Variants in ATP6V0D2 observed in about 807,000 individuals in gnomAD.
ATP6V0D2 encodes ATPase H+ transporting V0 subunit d2.
In ATP6V0D2, 40 loss-of-function variants were observed where a neutral mutation model predicts 40.0. The ratio of observed to expected loss-of-function variants is 1.00; its 90% CI spans 0.78 to 1.30. The LOEUF (loss-of-function observed/expected upper bound fraction) is 1.30. Among genes scored for constraint, ATP6V0D2 ranks in the 50% most tolerant of loss-of-function variants. ATP6V0D2 has a pLI of 0.00. For missense variants in ATP6V0D2, 470 were observed against 423.1 expected (o/e 1.11, Z -0.97); for synonymous variants, 179 against 156.3 (o/e 1.15, Z -1.08).
intron 3 of ATP6V0D2, among the ~76,000 whole-genome samples, chr8:86,140,792 G>A (rs1407568272): frequency 1.3e-5 from 2 of 152,088 alleles, no homozygotes; most frequent in Admixed American, 1.3e-4. Flanking sequence ...GGAGAGAGGG[G>A]ATGGTTTCGG....
At chr8:86,139,774 T>C in intron 3 of ATP6V0D2, 139 bp downstream of exon 3, 1 of 829,586 alleles carries the variant, frequency 1.2e-6, no homozygotes, top group Non-Finnish European at 1.8e-6. Context: ...TACAGTAGCA[T>C]ACCATGCAGA....
chr8:86,104,118 G>A (rs1039099542), intron 1 of ATP6V0D2, among the ~76,000 whole-genome samples: 34 of 152,188 alleles, frequency 2.2e-4, no homozygotes, highest in Admixed American at 9.2e-4. Flanking sequence ...ATGACCCACC[G>A]CGGCTGGCCT....
chr8:86,141,965 G>A (rs1355754013), intron 4 of ATP6V0D2, among the ~76,000 whole-genome samples: 1 of 152,168 alleles, frequency 6.6e-6, no homozygotes, highest in Non-Finnish European at 1.5e-5. Flanking sequence ...AATCTACAGT[G>A]TGCAGCATAC....
intron 2 of ATP6V0D2, among the ~76,000 whole-genome samples, chr8:86,118,014 CTTTCTTTCTT>C (rs993123710): frequency 2.1e-5 from 3 of 140,462 alleles, no homozygotes; most frequent in African/African-American, 9.2e-5. Context: ...TTCTTTCTTT[CTTTCTTTCTT>C]TCTTTTTTTT....
intron 2 of ATP6V0D2, among the ~76,000 whole-genome samples, chr8:86,124,496 T>C (rs1818714025): frequency 6.6e-6 from 1 of 152,184 alleles, no homozygotes; most frequent in Admixed American, 6.5e-5. Flanking sequence ...ATGCAGTCAA[T>C]GAATTTGCTC....
At chr8:86,149,052 G>GAAAAAAAAAAAAAAAA (rs1166858589) in intron 5 of ATP6V0D2, among the ~76,000 whole-genome samples, 2 of 69,000 alleles carry the variant, frequency 2.9e-5, no homozygotes, top group African/African-American at 6.6e-5. Context: ...ATCTCCAAAG[G>GAAAAAAAAAAAAAAAA]AAGAAAAAAA....
intron 2 of ATP6V0D2, among the ~76,000 whole-genome samples, chr8:86,128,334 AG>A (rs938787395): frequency 6.6e-6 from 1 of 151,776 alleles, no homozygotes; most frequent in African/African-American, 2.4e-5. Context: ...GGGCAACAAG[AG>A]TGAAACTCCA....
In ATP6V0D2 at chr8:86,150,235, T is replaced by C. The variant is rs750825794; in HGVS notation, c.763T>C (p.Leu255=). The change falls in exon 6 of 8, where the codon TTG becomes CTG. Residue 255 remains leucine (L), a synonymous_variant. Coordinates refer to ENST00000285393, the MANE Select transcript of ATP6V0D2 (RefSeq NM_152565.1). The stretch of plus-strand genomic sequence containing the variant: ...ACTCTATCCTGAGGGGTTGCGGCTG[T>C]TGGCTCAAGCAGAAGACTTTGACCA... ...GKLYPEGLRL[L]AQAEDFDQMK... 13 of 1,613,102 alleles carry C rather than the reference T, an allele frequency of 8.1e-6. No homozygotes were observed. The highest frequency in any genetic ancestry group is 1.1e-5 in the Non-Finnish European group (13 of 1,179,828).
chr8:86,140,831 G>T (rs566409569), intron 3 of ATP6V0D2, among the ~76,000 whole-genome samples: 1 of 151,988 alleles, frequency 6.6e-6, no homozygotes, highest in East Asian at 1.9e-4. Flanking sequence ...CATTTATTGC[G>T]CACATTATTT....
chr8:86,138,651 C>T (rs957987468), intron 2 of ATP6V0D2, among the ~76,000 whole-genome samples: 2 of 152,144 alleles, frequency 1.3e-5, no homozygotes, highest in African/African-American at 2.4e-5. Flanking sequence ...TGATCTCATG[C>T]GAGGACAGAA....
At chr8:86,101,471 A>G (rs1818397445) in intron 1 of ATP6V0D2, among the ~76,000 whole-genome samples, 2 of 151,380 alleles carry the variant, frequency 1.3e-5, no homozygotes, top group African/African-American at 4.8e-5. Flanking sequence ...GGAAAAAAAA[A>G]AAAAAAAAAA....
At chr8:86,132,245 T>A (rs370874340) in intron 2 of ATP6V0D2, among the ~76,000 whole-genome samples, 92 of 152,250 alleles carry the variant, frequency 6.0e-4, no homozygotes, top group African/African-American at 2.1e-3. Flanking sequence ...ATGGGGTCCA[T>A]GCAATTTTTT....
chr8:86,126,156 C>G (rs1284553542), intron 2 of ATP6V0D2, among the ~76,000 whole-genome samples: 2 of 147,400 alleles, frequency 1.4e-5, no homozygotes, highest in Non-Finnish European at 3.0e-5. Flanking sequence ...AGGCTGGTCT[C>G]GAACTCCTGA....
intron 2 of ATP6V0D2, among the ~76,000 whole-genome samples, chr8:86,133,501 T>A (rs1467421735): frequency 6.6e-6 from 1 of 151,664 alleles, no homozygotes; most frequent in African/African-American, 2.4e-5. Context: ...TTTTGTATTT[T>A]TAGTAGAGAC....
chr8:86,128,982 C>T (rs907016159), intron 2 of ATP6V0D2, among the ~76,000 whole-genome samples: 1 of 152,194 alleles, frequency 6.6e-6, no homozygotes, highest in Admixed American at 6.5e-5. Context: ...CTTACCTCAA[C>T]TAAACTTTTC....
intron 1 of ATP6V0D2, among the ~76,000 whole-genome samples, chr8:86,099,772 G>T (rs1000500637): frequency 6.6e-6 from 1 of 152,118 alleles, no homozygotes; most frequent in African/African-American, 2.4e-5. Context: ...GGAATTACAG[G>T]CGTAAGCCAT....
In ATP6V0D2 at chr8:86,113,802, G is replaced by A; in HGVS notation, c.224G>A (p.Arg75Lys). Residue 75 changes from arginine (R) to lysine (K), a missense_variant, in exon 2 of 8, where the codon AGG becomes AAG. Coordinates refer to ENST00000285393, the MANE Select transcript of ATP6V0D2 (RefSeq NM_152565.1). ...LTVSKIDTEM[R>K]KRLCGEFEYF... Reference sequence around the variant, plus strand: ...GTTTCCAAAATTGACACTGAGATGAGGAAAAGACTATGTGGAGAATTTGAG... The same window carrying A: ...GTTTCCAAAATTGACACTGAGATGAAGAAAAGACTATGTGGAGAATTTGAG... The A allele has an allele frequency of 6.2e-7, 1 of 1,613,922 alleles. No individual in the cohort carries two copies. Among genetic ancestry groups the A allele is most frequent in the Non-Finnish European group, 8.5e-7 (1 of 1,179,906 alleles).
chr8:86,137,658 T>C (rs1350112260), intron 2 of ATP6V0D2, among the ~76,000 whole-genome samples: 2 of 152,152 alleles, frequency 1.3e-5, no homozygotes, highest in Non-Finnish European at 2.9e-5. Context: ...CTTCCCCTAA[T>C]GCTCTCATCT....
intron 2 of ATP6V0D2, among the ~76,000 whole-genome samples, chr8:86,114,939 T>C (rs1014127453): frequency 2.6e-5 from 4 of 152,074 alleles, no homozygotes; most frequent in Non-Finnish European, 5.9e-5. Flanking sequence ...GTCAATATAT[T>C]TGTGGAAAGA....
Sources: allele counts gnomAD v4.1 joint callset (sites outside exome capture counted in the v4.1 genomes callset), GRCh38; gene constraint gnomAD v4.1.1; transcripts MANE v1.5; gene names NCBI Gene and HGNC (gene_info 2026-07-23, HGNC 2026-07-21).